Variants in TEX26 observed in about 807,000 individuals in gnomAD.
TEX26 encodes the protein testis expressed 26.
A neutral mutation model predicts 35.3 loss-of-function variants in TEX26; 34 were observed. The ratio of observed to expected loss-of-function variants is 0.96; its 90% CI spans 0.73 to 1.28. TEX26 has a LOEUF of 1.28. TEX26 is among the 50% of genes most tolerant of loss of function. TEX26 has a pLI of 0.00. For synonymous variants in TEX26, 136 were observed against 111.8 expected (o/e 1.22, Z -1.36); for missense variants, 371 against 330.1 (o/e 1.12, Z -0.96).
intron 4 of TEX26, among the ~76,000 whole-genome samples, chr13:30,963,057 C>T (rs563825735): frequency 1.3e-5 from 2 of 151,912 alleles, no homozygotes; most frequent in Non-Finnish European, 2.9e-5. Context: ...CTCAATCTCC[C>T]GACCTCGTGA....
At chr13:30,961,665 C>A (rs552487580) in intron 4 of TEX26, among the ~76,000 whole-genome samples, 41 of 152,244 alleles carry the variant, frequency 2.7e-4, no homozygotes, top group African/African-American at 9.1e-4. Flanking sequence ...ACTTTTCAAC[C>A]CCTTCCAACC....
At chr13:30,965,831 TGATATGCA>T (rs1033343236) in intron 4 of TEX26, among the ~76,000 whole-genome samples, 1 of 152,116 alleles carries the variant, frequency 6.6e-6, no homozygotes, top group African/African-American at 2.4e-5. Context: ...ATTTGAATAA[TGATATGCA>T]GTAGATAGCA....
At chr13:30,969,626 CAG>C (rs1954650617) in intron 6 of TEX26, among the ~76,000 whole-genome samples, 2 of 152,108 alleles carry the variant, frequency 1.3e-5, no homozygotes, top group African/African-American at 4.8e-5. Context: ...AATGTGAACT[CAG>C]AGAATAAGAG....
chr13:30,958,617 T>C (rs913889546), intron 4 of TEX26, among the ~76,000 whole-genome samples: 1 of 152,098 alleles, frequency 6.6e-6, no homozygotes, highest in African/African-American at 2.4e-5. Flanking sequence ...TCATCCTACA[T>C]CCCTTTTCCT....
intron 1 of TEX26, among the ~76,000 whole-genome samples, chr13:30,938,011 AC>A (rs1953336994): frequency 6.6e-6 from 1 of 152,246 alleles, no homozygotes. Context: ...GAAGAAAAAT[AC>A]TTAATAGCAA....
chr13:30,961,005 T>G (rs1954319597), intron 4 of TEX26, among the ~76,000 whole-genome samples: 1 of 152,194 alleles, frequency 6.6e-6, no homozygotes, highest in Admixed American at 6.5e-5. Flanking sequence ...CTTAGGTGAT[T>G]AGAGGATGAG....
At chr13:30,965,486 A>G (rs1593601433) in intron 4 of TEX26, among the ~76,000 whole-genome samples, 3 of 152,344 alleles carry the variant, frequency 2.0e-5, no homozygotes, top group Middle Eastern at 6.8e-3. Context: ...CTGAATAAAG[A>G]TGGTGTTACA....
intron 1 of TEX26, among the ~76,000 whole-genome samples, chr13:30,935,222 GC>G (rs1232399895): frequency 6.6e-6 from 1 of 152,236 alleles, no homozygotes; most frequent in Non-Finnish European, 1.5e-5. Context: ...TTGGGACCAA[GC>G]CCCAGGGCTG....
At chr13:30,932,807 G>A in intron 1 of TEX26, 31 bp downstream of exon 1, 3 of 1,608,234 alleles carry the variant, frequency 1.9e-6, no homozygotes, top group South Asian at 1.1e-5. Flanking sequence ...GGTCTGCGGG[G>A]CGGGGCTGGG....
chr13:30,968,742 C>G, intron 5 of TEX26, 143 bp from the exon 6 acceptor site: 1 of 719,916 alleles, frequency 1.4e-6, no homozygotes, highest in Non-Finnish European at 2.3e-6. Flanking sequence ...AATACAGAGC[C>G]TTAATGTCCA....
At chr13:30,953,616 T>C (rs1223394237) in intron 3 of TEX26, among the ~76,000 whole-genome samples, 2 of 152,228 alleles carry the variant, frequency 1.3e-5, no homozygotes, top group East Asian at 3.8e-4. Context: ...ACCTCCATTT[T>C]TTAAATCATT....
chr13:30,966,823 C>T (rs774589796), intron 5 of TEX26, among the ~76,000 whole-genome samples: 30 of 152,264 alleles, frequency 2.0e-4, no homozygotes, highest in Non-Finnish European at 3.5e-4. Flanking sequence ...GCTGGCAGCC[C>T]GTTTTGGTAA....
chr13:30,936,361 C>G (rs1402888168), intron 1 of TEX26, among the ~76,000 whole-genome samples: 1 of 152,170 alleles, frequency 6.6e-6, no homozygotes, highest in Non-Finnish European at 1.5e-5. Flanking sequence ...TCCCTTTGCT[C>G]CATTCACATG....
At chr13:30,959,278 T>C (rs917976913) in intron 4 of TEX26, among the ~76,000 whole-genome samples, 1 of 152,190 alleles carries the variant, frequency 6.6e-6, no homozygotes, top group Non-Finnish European at 1.5e-5. Context: ...CCATCCCTAC[T>C]CTTATTCCTC....
chr13:30,971,275 G>T (rs1954702653), intron 6 of TEX26, among the ~76,000 whole-genome samples: 1 of 152,210 alleles, frequency 6.6e-6, no homozygotes. Context: ...GAGCTTTTGT[G>T]GCTGAGTACA....
chr13:30,937,932 C>G (rs545753464), intron 1 of TEX26, among the ~76,000 whole-genome samples: 2 of 152,266 alleles, frequency 1.3e-5, no homozygotes, highest in East Asian at 3.9e-4. Flanking sequence ...ATAACAGGAA[C>G]CATAAATATT....
chr13:30,952,630 A>G (rs770110015), intron 2 of TEX26, 30 bp from the exon 3 acceptor site: 68 of 1,543,210 alleles, frequency 4.4e-5, no homozygotes, highest in Non-Finnish European at 5.8e-5. Context: ...TTTAACCTCT[A>G]ACTCTAATTT....
chr13:30,969,540 T>C (rs894271492), intron 6 of TEX26, among the ~76,000 whole-genome samples: 3 of 152,196 alleles, frequency 2.0e-5, no homozygotes, highest in Admixed American at 1.3e-4. Context: ...AAAAGACTTA[T>C]CCTAGTTTGC....
Position 30,975,472 on chromosome 13 carries a change from A to T in TEX26, c.*565A>T, listed in dbSNP as rs1464280777. 6.6e-6 allele frequency: 1 copy of T among 151,982 alleles called. No homozygotes were observed. The highest frequency in any genetic ancestry group is 1.5e-5 in the Non-Finnish European group (1 of 67,976). 9.4% of individuals were successfully genotyped at this position (151,982 alleles called of 1,614,324 possible). ...TGTTCAATTCTGAAAGAATATTGGA[A>T]CCTCCCACAATAAATATATTTTTAT... On this transcript the variant is annotated 3_prime_UTR_variant, in exon 7 of 7. Coordinates refer to ENST00000380473, the MANE Select transcript of TEX26 (RefSeq NM_152325.3).
Sources: gnomAD v4.1 joint callset for allele counts (sites outside exome capture counted in the v4.1 genomes callset) on GRCh38, gnomAD v4.1.1 for gene constraint, MANE v1.5 for transcripts, NCBI Gene and HGNC (gene_info 2026-07-23, HGNC 2026-07-21) for gene names.